VGLL3: variants seen among roughly 807,000 people sequenced by gnomAD.
VGLL3 encodes vestigial like family member 3.
VGLL3 carries 18 observed loss-of-function variants against 29.2 expected under a neutral mutation model. The observed-to-expected ratio is 0.62, with a 90% CI of 0.43 to 0.91. VGLL3 has a LOEUF of 0.91. Ranked by LOEUF, VGLL3 falls within the 40% of genes least tolerant of loss-of-function variation. VGLL3 has a pLI of 0.00. For missense variants in VGLL3, 440 were observed against 413.2 expected (o/e 1.06, Z -0.56); for synonymous variants, 180 against 151.8 (o/e 1.19, Z -1.36).
intron 3 of VGLL3, among the ~76,000 whole-genome samples, chr3:86,948,481 C>T (rs980250011): frequency 3.3e-5 from 5 of 152,114 alleles, no homozygotes; most frequent in East Asian, 3.9e-4. Flanking sequence ...ATCTACAAAA[C>T]GGACTACACA....
rs907581694 is a variant in VGLL3, at chr3:86,938,300, G to A, written c.*8724C>T. Reference sequence around the variant, plus strand: ...GTAAGAAAAATGATAACACTGGACAGATTTTTCATGTAGCCATTTTCTTTT... The same window carrying A: ...GTAAGAAAAATGATAACACTGGACAAATTTTTCATGTAGCCATTTTCTTTT... On this transcript the variant is annotated 3_prime_UTR_variant, in exon 4 of 4. Coordinates refer to ENST00000398399, the MANE Select transcript of VGLL3 (RefSeq NM_016206.4). 6.6e-6 allele frequency: 1 copy of A among 152,284 alleles called. No homozygotes were observed. Among genetic ancestry groups the A allele is most frequent in the Non-Finnish European group, 1.5e-5 (1 of 68,020 alleles). 9.4% of individuals were successfully genotyped at this position (152,284 alleles called of 1,614,324 possible).
intron 1 of VGLL3, 71 bp from the exon 2 acceptor site, chr3:86,978,873 CT>C (rs921084966): frequency 2.8e-6 from 4 of 1,451,986 alleles, no homozygotes; most frequent in Non-Finnish European, 3.7e-6. Flanking sequence ...TAAGTTTTCA[CT>C]TTTTTAAAAA....
chr3:86,971,645 C>G (rs1294854476), intron 2 of VGLL3, among the ~76,000 whole-genome samples: 1 of 152,144 alleles, frequency 6.6e-6, no homozygotes, highest in South Asian at 2.1e-4. Context: ...TAACAATCGT[C>G]TCTTTGCAAC....
chr3:86,952,904 A>G (rs1317899140), intron 3 of VGLL3, among the ~76,000 whole-genome samples: 1 of 152,174 alleles, frequency 6.6e-6, no homozygotes, highest in South Asian at 2.1e-4. Context: ...ACTTTATGAA[A>G]TTATCACTGT....
At chr3:86,980,125 AC>A (rs1363062895) in intron 1 of VGLL3, among the ~76,000 whole-genome samples, 5 of 149,924 alleles carry the variant, frequency 3.3e-5, no homozygotes, top group African/African-American at 1.2e-4. Flanking sequence ...CCTTGATCAT[AC>A]CTTTTTTTTT....
At chr3:86,971,644 T>C (rs1377347788) in intron 2 of VGLL3, among the ~76,000 whole-genome samples, 2 of 152,168 alleles carry the variant, frequency 1.3e-5, no homozygotes, top group Non-Finnish European at 2.9e-5. Flanking sequence ...TTAACAATCG[T>C]CTCTTTGCAA....
rs1273862566 is a variant in VGLL3, at chr3:86,941,630, C to T, written c.*5394G>A. 1.3e-5 allele frequency: 2 copies of T among 151,924 alleles called. No individual in the cohort carries two copies. The highest frequency in any genetic ancestry group is 4.8e-5 in the African/African-American group (2 of 41,390). The allele number at this position is 151,924 out of a possible 1,614,324, so 9.4% of individuals were successfully genotyped here. On this transcript the variant is annotated 3_prime_UTR_variant, in exon 4 of 4. Transcript: ENST00000398399. ...AATTGACTAGAACTTCAAGAGAATACTACTTTGACCAATACTTTAAAACTA... is the reference window on the plus strand; with the variant it reads ...AATTGACTAGAACTTCAAGAGAATATTACTTTGACCAATACTTTAAAACTA...
chr3:86,990,463 G>T, intron 1 of VGLL3, 155 bp downstream of exon 1: 1 of 973,578 alleles, frequency 1.0e-6, no homozygotes, highest in Non-Finnish European at 1.2e-6. Flanking sequence ...TCCCTTCCCG[G>T]CTCTCTCGGG....
At chr3:86,971,152 T>C (rs1463214723) in intron 2 of VGLL3, among the ~76,000 whole-genome samples, 1 of 152,240 alleles carries the variant, frequency 6.6e-6, no homozygotes, top group African/African-American at 2.4e-5. Context: ...TTCAAAACTC[T>C]GACATTATCT....
At chr3:86,954,981 A>G (rs1056835574) in intron 3 of VGLL3, among the ~76,000 whole-genome samples, 1 of 152,076 alleles carries the variant, frequency 6.6e-6, no homozygotes, top group Non-Finnish European at 1.5e-5. Context: ...AACTATCCAG[A>G]CATCTGTTGG....
chr3:86,952,719 T>C (rs1704640249), intron 3 of VGLL3, among the ~76,000 whole-genome samples: 1 of 152,136 alleles, frequency 6.6e-6, no homozygotes, highest in Non-Finnish European at 1.5e-5. Flanking sequence ...GATCTCCCCT[T>C]TCATCCATCC....
At chr3:86,963,034 G>C in intron 3 of VGLL3, 1 of 227,664 alleles carries the variant, frequency 4.4e-6, no homozygotes, top group South Asian at 4.0e-5. Context: ...GGCAGAGGTT[G>C]CAGTGAGTCA....
chr3:86,958,027 T>C (rs1027352928), intron 3 of VGLL3, among the ~76,000 whole-genome samples: 2 of 152,202 alleles, frequency 1.3e-5, no homozygotes, highest in Non-Finnish European at 2.9e-5. Context: ...CAGACAAATA[T>C]GCACACTTTT....
chr3:86,956,095 G>A (rs1166398383), intron 3 of VGLL3, among the ~76,000 whole-genome samples: 1 of 152,150 alleles, frequency 6.6e-6, no homozygotes, highest in Non-Finnish European at 1.5e-5. Flanking sequence ...AGGCCATATA[G>A]AATTTTTCTA....
intron 3 of VGLL3, among the ~76,000 whole-genome samples, chr3:86,965,908 C>A (rs1398141276): frequency 6.6e-6 from 1 of 152,142 alleles, no homozygotes; most frequent in Non-Finnish European, 1.5e-5. Flanking sequence ...GAGAACATTA[C>A]CCCATAAATT....
At chr3:86,983,184 T>A (rs989432313) in intron 1 of VGLL3, among the ~76,000 whole-genome samples, 1 of 152,236 alleles carries the variant, frequency 6.6e-6, no homozygotes, top group African/African-American at 2.4e-5. Context: ...AGTATTTTAA[T>A]GAATCACTGG....
At chr3:86,988,673 A>G (rs1264381770) in intron 1 of VGLL3, among the ~76,000 whole-genome samples, 8,457 of 44,004 alleles carry the variant, frequency 0.19, 1,212 homozygotes, top group African/African-American at 0.3. Flanking sequence ...AAAAAAAAAA[A>G]AAAAAAAAAA....
At position 86,941,195 on chromosome 3, in the gene VGLL3, AT is replaced by A. The variant is rs1704389872; in HGVS notation, c.*5828del. ...TATGTTTTATCTCCTGAAAAAAAAA[AT>A]GTATGGAATAGTATTTTTAAATCAG... is the stretch of plus-strand genomic sequence containing the variant. On this transcript the variant is annotated 3_prime_UTR_variant, in exon 4 of 4. Transcript: ENST00000398399. 1 of 152,380 alleles carries A rather than the reference AT, an allele frequency of 6.6e-6. No individual in the cohort carries two copies. The highest frequency in any genetic ancestry group is 1.5e-5 in the Non-Finnish European group (1 of 67,890). The allele number at this position is 152,380 out of a possible 1,614,324, so 9.4% of individuals were successfully genotyped here. A position where few individuals can be genotyped will look rare whatever the true frequency, so the allele number is the denominator to read the frequency against.
Position 86,939,576 on chromosome 3 carries a change from G to C in VGLL3, c.*7448C>G, listed in dbSNP as rs908588704. ...GGAGGTGGAGGTTGGAGTGAGCCGA[G>C]ATCGCGCCACTGCACTCCAGCCTGA... is the stretch of plus-strand genomic sequence containing the variant. On this transcript the variant is annotated 3_prime_UTR_variant, in exon 4 of 4. Transcript: ENST00000398399. 6.5e-6 allele frequency: 1 copy of C among 152,852 alleles called. No individual in the cohort carries two copies. The highest frequency in any genetic ancestry group is 1.5e-5 in the Non-Finnish European group (1 of 68,588). The allele number at this position is 152,852 out of a possible 1,614,324, so 9.5% of individuals were successfully genotyped here. A position where few individuals can be genotyped will look rare whatever the true frequency, so the allele number is the denominator to read the frequency against.
Sources: gnomAD v4.1 joint callset for allele counts (sites outside exome capture counted in the v4.1 genomes callset) on GRCh38, gnomAD v4.1.1 for gene constraint, MANE v1.5 for transcripts, NCBI Gene and HGNC (gene_info 2026-07-23, HGNC 2026-07-21) for gene names.